The following ADAMTS5 variants were observed in gnomAD, a reference collection of about 807,000 sequenced individuals.
ADAMTS5 encodes A disintegrin and metalloproteinase with thrombospondin motifs 5.
Under a neutral mutation model 81.4 loss-of-function variants are expected in ADAMTS5, and 54 were observed. The observed-to-expected ratio is 0.66, with a 90% CI of 0.53 to 0.83. The LOEUF (loss-of-function observed/expected upper bound fraction) is 0.83, where lower values mean the gene tolerates loss of function less well. ADAMTS5 is among the 40% of genes least tolerant of loss of function. ADAMTS5 has a pLI of 0.00. For missense variants in ADAMTS5, 1,194 were observed against 1,229.9 expected (o/e 0.97, Z 0.44); for synonymous variants, 532 against 508.8 (o/e 1.05, Z -0.61).
chr21:26,965,880 C>G lies in ADAMTS5; in HGVS notation c.512G>C (p.Gly171Ala). 1 of 1,613,868 alleles carries G rather than the reference C, an allele frequency of 6.2e-7. No individual in the cohort carries two copies. Among genetic ancestry groups the G allele is most frequent in the Non-Finnish European group, 8.5e-7 (1 of 1,179,934 alleles). ...ARYTLKPLLR[G>A]PWAEEEKGRV... ...CCCCTTTTCTTCCTCCGCCCAGGGTCCGCGCAGCAGTGGCTTTAGGGTGTA... is the reference window on the plus strand; with the variant it reads ...CCCCTTTTCTTCCTCCGCCCAGGGTGCGCGCAGCAGTGGCTTTAGGGTGTA... The change falls in exon 1 of 8, where the codon GGA (glycine) becomes GCA (alanine). Residue 171 changes from glycine (G) to alanine (A), a missense_variant. Gly to Ala is a moderately conservative substitution (Grantham distance 60, BLOSUM62 0). Around this residue, in one of 2 missense-constraint regions of ADAMTS5, gnomAD observed 498 missense variants for 412.3 expected, o/e 1.21. Transcript: ENST00000284987.
rs1986705242 is a variant in ADAMTS5 at position 26,921,861 on chromosome 21, T to C, written c.*2192A>G. On this transcript the variant is annotated 3_prime_UTR_variant, in exon 8 of 8. Transcript: ENST00000284987. Reference sequence around the variant, plus strand: ...AAACCATATTAAAAATGTATGAGTATAGTAAGAGAAGCAGAGTAGGAGACA... The same window carrying C: ...AAACCATATTAAAAATGTATGAGTACAGTAAGAGAAGCAGAGTAGGAGACA... The C allele has an allele frequency of 6.6e-6, 1 of 152,408 alleles. No homozygotes were observed. Among genetic ancestry groups the C allele is most frequent in the Non-Finnish European group, 1.5e-5 (1 of 67,960 alleles). The allele number at this position is 152,408 out of a possible 1,614,324, so 9.4% of individuals were successfully genotyped here.
chr21:26,960,484 C>G (rs1237309359), intron 1 of ADAMTS5, among the ~76,000 whole-genome samples: 1 of 152,172 alleles, frequency 6.6e-6, no homozygotes, highest in Admixed American at 6.5e-5. Flanking sequence ...GGACTCTAAT[C>G]AGATAGGGTT....
In ADAMTS5 at chr21:26,966,704, GA is replaced by G. The variant is rs1304570473; in HGVS notation, c.-314del. ...GGAGATTCAGCAAATACGGGAAAAGGAAAAAAACAAAAACCAAAAAACCACC... is the reference window on the plus strand; with the variant it reads ...GGAGATTCAGCAAATACGGGAAAAGGAAAAAACAAAAACCAAAAAACCACC... On this transcript the variant is annotated 5_prime_UTR_variant, in exon 1 of 8. Transcript: ENST00000284987. Among the ~76,000 whole-genome samples, 1 of 148,924 alleles carries G rather than the reference GA, an allele frequency of 6.7e-6. No homozygotes were observed. Among genetic ancestry groups the G allele is most frequent in the Non-Finnish European group, 1.5e-5 (1 of 67,388 alleles).
In ADAMTS5 at chr21:26,923,777, A is replaced by G; in HGVS notation, c.*276T>C. The G allele has an allele frequency of 8.5e-6, 3 of 354,388 alleles. No homozygotes were observed. Among genetic ancestry groups the G allele is most frequent in the African/African-American group, 2.0e-5 (1 of 49,754 alleles). 22.0% of individuals were successfully genotyped at this position (354,388 alleles called of 1,614,324 possible). ...GGGGGAGACAGTTCTGCCATCTTCAAATGTCCCCTGATTTTACATTCATCA... is the reference window on the plus strand; with the variant it reads ...GGGGGAGACAGTTCTGCCATCTTCAGATGTCCCCTGATTTTACATTCATCA... On this transcript the variant is annotated 3_prime_UTR_variant, in exon 8 of 8. Transcript: ENST00000284987.
chr21:26,928,655 GTCTTTCTTTC>G (rs1568838775), intron 7 of ADAMTS5, among the ~76,000 whole-genome samples: 3 of 138,270 alleles, frequency 2.2e-5, no homozygotes, highest in Non-Finnish European at 4.7e-5. Flanking sequence ...TCTTTCCTTT[GTCTTTCTTTC>G]TCTTTCTTTC....
intron 2 of ADAMTS5, among the ~76,000 whole-genome samples, chr21:26,950,346 TA>T (rs35920650): frequency 0.16 from 24,376 of 152,234 alleles, 2,502 homozygotes; most frequent in Non-Finnish European, 0.23. Context: ...AAGTCAATAA[TA>T]AAAGTTTGAC....
Position 26,924,057 on chromosome 21 carries a change from C to T in ADAMTS5, c.2789G>A (p.Cys930Tyr), listed in dbSNP as rs780289727. ...GCATAAGATCATAACCACAGGCTAACATTTCTTCAACAAGCATTGCTTAAA... is the reference window on the plus strand; with the variant it reads ...GCATAAGATCATAACCACAGGCTAATATTTCTTCAACAAGCATTGCTTAAA... ...SAFKQCLLKK[C>Y] Residue 930 changes from cysteine to tyrosine, a missense_variant, in exon 8 of 8, where the codon TGT becomes TAT. Cys to Tyr is a radical substitution (Grantham distance 194). Transcript: ENST00000284987. 2 of 1,591,554 alleles carry T rather than the reference C, an allele frequency of 1.3e-6. No homozygotes were observed. The highest frequency in any genetic ancestry group is 1.7e-6 in the Non-Finnish European group (2 of 1,163,566).
At chr21:26,955,684 T>A (rs905180045) in intron 1 of ADAMTS5, among the ~76,000 whole-genome samples, 6 of 152,150 alleles carry the variant, frequency 3.9e-5, no homozygotes, top group African/African-American at 9.7e-5. Flanking sequence ...AGAGAAAATA[T>A]AAGCCGCAAC....
chr21:26,966,350 G>C lies in ADAMTS5; in HGVS notation c.42C>G (p.Arg14=). The C allele has an allele frequency of 1.3e-6, 2 of 1,502,594 alleles. No homozygotes were observed. The highest frequency in any genetic ancestry group is 2.1e-5 in the Admixed American group (1 of 46,930). 93.1% of individuals were successfully genotyped at this position (1,502,594 alleles called of 1,614,324 possible). Residue 14 remains arginine, a synonymous_variant, in exon 1 of 8, where the codon CGC becomes CGG. Transcript: ENST00000284987. The stretch of plus-strand genomic sequence containing the variant: ...CGGGGCCGACCGCGGCCAGGGGCAG[G>C]CGGAACGCGCACAGCAGCAGGGACG... ...GWASLLLCAF[R]LPLAAVGPAA...
intron 2 of ADAMTS5, among the ~76,000 whole-genome samples, chr21:26,950,103 C>T (rs556892318): frequency 6.6e-6 from 1 of 152,282 alleles, no homozygotes; most frequent in African/African-American, 2.4e-5. Flanking sequence ...TGTTAAGTTG[C>T]CTGAGTTTAG....
chr21:26,965,903 G>T lies in ADAMTS5; in HGVS notation c.489C>A (p.Tyr163Ter). The change falls in exon 1 of 8, where the codon TAC becomes TAA. Residue 163 changes from tyrosine (Y) to a stop codon, truncating the protein, a stop_gained. Coordinates refer to ENST00000284987, the MANE Select transcript of ADAMTS5 (RefSeq NM_007038.5). LOFTEE classifies it high-confidence loss of function. ...GTCCGCGCAGCAGTGGCTTTAGGGT[G>T]TAGCGCGCGTGCTTGACCGCGAAGA... The part of the protein sequence containing the change: ...DGFFAVKHAR[Y>*]TLKPLLRGPW... The T allele has an allele frequency of 6.2e-7, 1 of 1,613,942 alleles. No homozygotes were observed. The highest frequency in any genetic ancestry group is 8.5e-7 in the Non-Finnish European group (1 of 1,179,964).
intron 1 of ADAMTS5, among the ~76,000 whole-genome samples, chr21:26,956,773 G>A (rs531813542): frequency 5.9e-5 from 9 of 152,114 alleles, no homozygotes; most frequent in African/African-American, 2.2e-4. Flanking sequence ...CTAAGATGAA[G>A]AGCCACAGCA....
intron 7 of ADAMTS5, among the ~76,000 whole-genome samples, chr21:26,925,065 A>G (rs748619772): frequency 6.6e-6 from 1 of 152,156 alleles, no homozygotes; most frequent in Non-Finnish European, 1.5e-5. Context: ...TTGCTTCCAC[A>G]TTAGAATCAC....
chr21:26,957,699 T>G (rs1987454805), intron 1 of ADAMTS5, among the ~76,000 whole-genome samples: 1 of 152,154 alleles, frequency 6.6e-6, no homozygotes, highest in Admixed American at 6.6e-5. Context: ...GAAGATTTAG[T>G]AAAATATGAA....
intron 7 of ADAMTS5, 78 bp from the exon 8 acceptor site, chr21:26,924,698 A>G (rs2123163991): frequency 8.6e-7 from 1 of 1,160,566 alleles, no homozygotes; most frequent in East Asian, 2.4e-5. Context: ...ACACTTAACA[A>G]ATAAATACAC....
chr21:26,962,415 G>A (rs1471605912), intron 1 of ADAMTS5, among the ~76,000 whole-genome samples: 1 of 152,172 alleles, frequency 6.6e-6, no homozygotes, highest in Non-Finnish European at 1.5e-5. Context: ...AAATTGACTG[G>A]TGCTAACTCT....
rs757743957 is a variant in ADAMTS5, at chr21:26,930,042, C to CG, written c.2068_2069insC (p.Cys690SerfsTer2). 6.2e-7 allele frequency: 1 copy of CG among 1,613,874 alleles called. No individual in the cohort carries two copies. The highest frequency in any genetic ancestry group is 1.7e-5 in the Admixed American group (1 of 60,018). On this transcript the variant is annotated frameshift_variant, in exon 7 of 8. Coordinates refer to ENST00000284987, the MANE Select transcript of ADAMTS5 (RefSeq NM_007038.5). LOFTEE classifies it high-confidence loss of function. ...GCAGACGGAATTACTGTACAGCCTA[C>CG]ATTCAGTGCCATCGGTCACCTGAAT...
At chr21:26,940,340 A>G (rs138507466) in intron 3 of ADAMTS5, among the ~76,000 whole-genome samples, 9 of 152,262 alleles carry the variant, frequency 5.9e-5, no homozygotes, top group Admixed American at 2.0e-4. Flanking sequence ...TCACAGTTTA[A>G]CTTTCCTAGA....
chr21:26,935,337 T>G (rs1296708888), intron 3 of ADAMTS5, among the ~76,000 whole-genome samples: 1 of 152,164 alleles, frequency 6.6e-6, no homozygotes, highest in East Asian at 1.9e-4. Context: ...TACAATGTTC[T>G]AGAAAACACA....
Sources: allele counts gnomAD v4.1 joint callset (sites outside exome capture counted in the v4.1 genomes callset), GRCh38; gene constraint gnomAD v4.1.1; regional missense constraint gnomAD v4.1.1; transcripts MANE v1.5; gene names NCBI Gene and HGNC (gene_info 2026-07-23, HGNC 2026-07-21).